The following USP14 variants were observed in gnomAD, a reference collection of about 807,000 sequenced individuals.
USP14 encodes the protein ubiquitin carboxyl-terminal hydrolase 14.
In USP14, 38 loss-of-function variants were observed where a neutral mutation model predicts 76.5. The ratio of observed to expected loss-of-function variants is 0.50; its 90% CI spans 0.38 to 0.65. The LOEUF (loss-of-function observed/expected upper bound fraction) is 0.65, where lower values mean the gene tolerates loss of function less well. Ranked by LOEUF, USP14 falls within the 30% of genes least tolerant of loss-of-function variation. The pLI, the probability that USP14 is intolerant of heterozygous loss-of-function variation, is 0.00. For missense variants in USP14, 467 were observed against 586.5 expected, an observed-to-expected ratio of 0.80 and a Z score of 2.10; for synonymous variants, 192 against 191.7, an observed-to-expected ratio of 1.00 and a Z score of -0.01.
intron 14 of USP14, 105 bp from the exon 15 acceptor site, chr18:210,281 A>T: frequency 1.2e-6 from 1 of 865,342 alleles, no homozygotes; most frequent in East Asian, 2.6e-5. Flanking sequence ...TTGGATTCTG[A>T]TAATACTTTC....
At position 211,158 on chromosome 18, in the gene USP14, CAA is replaced by C; in HGVS notation, c.1361_1362del (p.Lys454SerfsTer32). 6.2e-7 allele frequency: 1 copy of C among 1,613,680 alleles called. No individual in the cohort carries two copies. Among genetic ancestry groups the C allele is most frequent in the Non-Finnish European group, 8.5e-7 (1 of 1,179,760 alleles). On this transcript the variant is annotated frameshift_variant, in exon 16 of 16. Coordinates refer to ENST00000261601, the MANE Select transcript of USP14 (RefSeq NM_005151.4). LOFTEE classifies it high-confidence loss of function. ...QDEWIKFDDD[K>X]VSIVTPEDIL... ...ATGAATGGATTAAGTTTGATGATGACAAAGTCAGCATCGTAACACCAGAAGAT... is the reference window on the plus strand; with the variant it reads ...ATGAATGGATTAAGTTTGATGATGACAGTCAGCATCGTAACACCAGAAGAT...
At chr18:192,636 T>G (rs1335506340) in intron 5 of USP14, among the ~76,000 whole-genome samples, 1 of 152,178 alleles carries the variant, frequency 6.6e-6, no homozygotes, top group Non-Finnish European at 1.5e-5. Context: ...TAAAGTAGGC[T>G]CCATCTAAAT....
intron 3 of USP14, among the ~76,000 whole-genome samples, chr18:167,122 G>A (rs1464339239): frequency 5.9e-5 from 9 of 151,982 alleles, no homozygotes; most frequent in Non-Finnish European, 1.2e-4. Flanking sequence ...GGTGGTGCAC[G>A]CCTGTAATCC....
intron 13 of USP14, among the ~76,000 whole-genome samples, chr18:209,209 GTTT>G (rs762961936): frequency 6.6e-6 from 1 of 151,618 alleles, no homozygotes; most frequent in Non-Finnish European, 1.5e-5. Context: ...TCTTTGTATA[GTTT>G]TTTCAGTGAT....
rs1280362551 is a variant in USP14 at position 213,332 on chromosome 18, TG to T, written c.*2049del. 6.8e-6 allele frequency: 1 copy of T among 147,744 alleles called. No homozygotes were observed. Among genetic ancestry groups the T allele is most frequent in the African/African-American group, 2.4e-5 (1 of 40,958 alleles). The allele number at this position is 147,744 out of a possible 1,614,324, so 9.2% of individuals were successfully genotyped here. ...TGGACTATATTAGAATTTTAAAAAT[TG>T]TAATTAATTCCTTATCATCATTATA... On this transcript the variant is annotated 3_prime_UTR_variant, in exon 16 of 16. Coordinates refer to ENST00000261601, the MANE Select transcript of USP14 (RefSeq NM_005151.4).
chr18:214,298 TAACA>T lies in USP14; in HGVS notation c.*3020_*3023del, dbSNP rs574059049. 145 of 205,562 alleles carry T rather than the reference TAACA, an allele frequency of 7.1e-4. No individual in the cohort carries two copies. Among genetic ancestry groups the T allele is most frequent in the African/African-American group, 3.0e-3 (130 of 42,660 alleles). 12.7% of individuals were successfully genotyped at this position (205,562 alleles called of 1,614,324 possible). On this transcript the variant is annotated 3_prime_UTR_variant, in exon 16 of 16. Transcript: ENST00000261601. The stretch of plus-strand genomic sequence containing the variant: ...TTCAGGATAAATTTTGTAAAACTAC[TAACA>T]AACAACACACAGGAAACTAATTTGG...
chr18:182,338 G>C (rs1909809790), intron 5 of USP14, among the ~76,000 whole-genome samples: 1 of 152,082 alleles, frequency 6.6e-6, no homozygotes, highest in Admixed American at 6.6e-5. Flanking sequence ...ACTACAATTT[G>C]GATTCTAGAC....
chr18:184,929 C>T (rs973126555), intron 5 of USP14, among the ~76,000 whole-genome samples: 3 of 152,094 alleles, frequency 2.0e-5, no homozygotes, highest in African/African-American at 7.2e-5. Flanking sequence ...CTTAATGCCG[C>T]CCAACAGTGG....
chr18:174,906 G>A (rs765427514), intron 3 of USP14, among the ~76,000 whole-genome samples: 2 of 152,086 alleles, frequency 1.3e-5, no homozygotes, highest in African/African-American at 2.4e-5. Flanking sequence ...CTCCCGAGTA[G>A]CTGGGACTAC....
rs1910556055 is a variant in USP14, at chr18:207,260, TTTTGTTC to T, written c.1164+2571_1164+2577del. ...GAAATTGTGAAGTATCAGCCTTCAC[TTTTGTTC>T]TTCTTTTTGAAAGTTATTTTAGCTA... On this transcript the variant is annotated intron_variant, in intron 13 of 15. Transcript: ENST00000261601. 2.8e-5 allele frequency among the ~76,000 whole-genome samples: 4 copies of T among 145,288 alleles called. 1 individual carries two copies. Among genetic ancestry groups the T allele is most frequent in the South Asian group, 4.5e-4 (2 of 4,428 alleles).
intron 3 of USP14, among the ~76,000 whole-genome samples, chr18:170,116 T>C (rs1400324621): frequency 6.6e-6 from 1 of 151,640 alleles, no homozygotes; most frequent in African/African-American, 2.4e-5. Flanking sequence ...GCCTGGCCAA[T>C]ATGGTGAAAC....
In USP14 at chr18:166,781, A is replaced by C. The variant is rs753117656; in HGVS notation, c.163-6A>C. 6.2e-7 allele frequency: 1 copy of C among 1,611,788 alleles called. No homozygotes were observed. Among genetic ancestry groups the C allele is most frequent in the East Asian group, 2.2e-5 (1 of 44,794 alleles). On this transcript the variant is annotated splice_region_variant and splice_polypyrimidine_tract_variant and intron_variant, in intron 2 of 15. Coordinates refer to ENST00000261601, the MANE Select transcript of USP14 (RefSeq NM_005151.4). ...GTTAAATGTCTTTTGTTTGTCTTTGAAACAGGATGATGATTGGGGAAACAT... is the reference window on the plus strand; with the variant it reads ...GTTAAATGTCTTTTGTTTGTCTTTGCAACAGGATGATGATTGGGGAAACAT...
intron 2 of USP14, among the ~76,000 whole-genome samples, chr18:163,969 A>C (rs955804175): frequency 4.6e-5 from 7 of 152,198 alleles, no homozygotes; most frequent in African/African-American, 1.4e-4. Flanking sequence ...CTGTTCCTGC[A>C]TTAGTTTACT....
intron 10 of USP14, 62 bp from the exon 11 acceptor site, chr18:202,818 C>T (rs1294796285): frequency 2.6e-6 from 4 of 1,540,624 alleles, no homozygotes; most frequent in Non-Finnish European, 3.6e-6. Flanking sequence ...TGGTGTGATT[C>T]TATATTGCAG....
intron 3 of USP14, among the ~76,000 whole-genome samples, chr18:173,308 TCAC>T (rs1317878991): frequency 6.6e-6 from 1 of 151,738 alleles, no homozygotes; most frequent in Non-Finnish European, 1.5e-5. Flanking sequence ...AGACGGGGTT[TCAC>T]CATGTTAGCC....
intron 6 of USP14, among the ~76,000 whole-genome samples, chr18:196,217 G>A (rs1048040208): frequency 2.0e-4 from 31 of 151,714 alleles, no homozygotes; most frequent in African/African-American, 5.8e-4. Context: ...CCAGCTACTC[G>A]GGAGGCCCTT....
chr18:184,626 C>T (rs931578380), intron 5 of USP14, among the ~76,000 whole-genome samples: 6 of 152,098 alleles, frequency 3.9e-5, no homozygotes, highest in African/African-American at 1.4e-4. Context: ...AAAAATTAGC[C>T]AGGCATGGTG....
intron 12 of USP14, 46 bp downstream of exon 12, chr18:203,236 G>A: frequency 6.5e-7 from 1 of 1,527,446 alleles, no homozygotes. Context: ...ATTCTTTGAA[G>A]GTAATTGCTA....
chr18:204,665 TA>T lies in USP14; in HGVS notation c.1143del (p.Val382Ter). 2 of 1,613,124 alleles carry T rather than the reference TA, an allele frequency of 1.2e-6. No homozygotes were observed. Among genetic ancestry groups the T allele is most frequent in the Non-Finnish European group, 1.7e-6 (2 of 1,179,714 alleles). The part of the protein sequence containing the change: ...FRSKFKDLED[K>X]KVNQQPNTSD... ...GATCCAAATTCAAGGATCTAGAAGA[TA>T]AAAAAGTGAATCAGCAGCCAAATAC... On this transcript the variant is annotated frameshift_variant, in exon 13 of 16. Transcript: ENST00000261601. LOFTEE classifies it high-confidence loss of function.
Sources: gnomAD v4.1 joint callset for allele counts (sites outside exome capture counted in the v4.1 genomes callset) on GRCh38, gnomAD v4.1.1 for gene constraint, MANE v1.5 for transcripts, NCBI Gene and HGNC (gene_info 2026-07-23, HGNC 2026-07-21) for gene names.